The following ZC3H12B variants were observed in gnomAD, a reference collection of about 807,000 sequenced individuals.
ZC3H12B encodes probable ribonuclease ZC3H12B.
In ZC3H12B, 7 loss-of-function variants were observed where a neutral mutation model predicts 43.9. That is an observed-to-expected ratio of 0.16 (90% confidence interval 0.09 to 0.30). ZC3H12B has a LOEUF of 0.30. Ranked by LOEUF, ZC3H12B falls within the 10% of genes least tolerant of loss-of-function variation. The pLI is 1.00. For missense variants in ZC3H12B, 475 were observed against 670.2 expected (o/e 0.71, Z 3.22); for synonymous variants, 222 against 241.7 (o/e 0.92, Z 0.76).
chrX:65,097,244 C>T, the ZC3H12B span, among the ~76,000 whole-genome samples: 5 of 111,611 alleles, frequency 4.5e-5, no homozygotes, highest in South Asian at 3.7e-4. Flanking sequence ...CAAGATAGAG[C>T]GTATCTCTGG....
At chrX:65,267,920 A>T in the ZC3H12B span, among the ~76,000 whole-genome samples, 1 of 111,838 alleles carries the variant, frequency 8.9e-6, no homozygotes, top group Non-Finnish European at 1.9e-5. Context: ...AATAATAAAG[A>T]TCAGAACAGA....
At chrX:65,159,360 G>T in the ZC3H12B span, among the ~76,000 whole-genome samples, 1 of 111,767 alleles carries the variant, frequency 8.9e-6, no homozygotes, top group Non-Finnish European at 1.9e-5. Context: ...ACCTTGGGCA[G>T]TATGGCCGTT....
the ZC3H12B span, among the ~76,000 whole-genome samples, chrX:65,095,301 A>G: frequency 1.8e-5 from 2 of 111,942 alleles, no homozygotes; most frequent in Non-Finnish European, 3.8e-5. Context: ...GTGTAAGACA[A>G]ACACTTCTGA....
At chrX:65,261,994 G>C in the ZC3H12B span, among the ~76,000 whole-genome samples, 1 of 110,230 alleles carries the variant, frequency 9.1e-6, no homozygotes. Flanking sequence ...AAGAGTTCAT[G>C]TACCCTTAGT....
chrX:65,205,179 CT>C, the ZC3H12B span, among the ~76,000 whole-genome samples: 1 of 111,358 alleles, frequency 9.0e-6, no homozygotes, highest in South Asian at 3.7e-4. Flanking sequence ...TGTATTTTGA[CT>C]TTTTTTTGTT....
At chrX:65,117,034 C>A in the ZC3H12B span, among the ~76,000 whole-genome samples, 1 of 111,785 alleles carries the variant, frequency 8.9e-6, no homozygotes, top group Non-Finnish European at 1.9e-5. Flanking sequence ...GTGCATGTGT[C>A]TTTACAGCAG....
chrX:65,501,239 CTTTTTTTT>C (rs770490342), intron 4 of ZC3H12B, among the ~76,000 whole-genome samples: 3 of 63,354 alleles, frequency 4.7e-5, no homozygotes, highest in South Asian at 7.4e-4. Flanking sequence ...TCAGCTTTAG[CTTTTTTTT>C]TTTTTTTTTT....
chrX:65,245,295 C>G, the ZC3H12B span, among the ~76,000 whole-genome samples: 1 of 111,810 alleles, frequency 8.9e-6, no homozygotes, highest in African/African-American at 3.2e-5. Flanking sequence ...CCTACTGAAA[C>G]TATTCCAAGA....
the ZC3H12B span, among the ~76,000 whole-genome samples, chrX:65,177,807 C>T: frequency 1.8e-5 from 2 of 112,331 alleles, no homozygotes; most frequent in Non-Finnish European, 3.8e-5. Context: ...ATTCCATGCT[C>T]ATGGATAGGA....
the ZC3H12B span, among the ~76,000 whole-genome samples, chrX:65,300,355 G>C: frequency 8.9e-6 from 1 of 111,880 alleles, no homozygotes; most frequent in Non-Finnish European, 1.9e-5. Context: ...CTTGCCTTTT[G>C]TGCTGCGTGG....
chrX:65,196,062 G>C, the ZC3H12B span, among the ~76,000 whole-genome samples: 2 of 111,342 alleles, frequency 1.8e-5, no homozygotes, highest in East Asian at 5.7e-4. Flanking sequence ...CAGAATATCT[G>C]TGTGTCAGCG....
the ZC3H12B span, chrX:65,185,666 CTAAAG>C: frequency 9.0e-6 from 1 of 111,531 alleles, no homozygotes; most frequent in Non-Finnish European, 1.9e-5. Context: ...AGAAGATAAA[CTAAAG>C]TAGAGAGAAT....
chrX:65,204,100 G>A, the ZC3H12B span, among the ~76,000 whole-genome samples: 3 of 112,558 alleles, frequency 2.7e-5, no homozygotes, highest in Non-Finnish European at 5.6e-5. Flanking sequence ...TGTGGCTGCT[G>A]CCAGGATATG....
At chrX:65,123,199 C>CT in the ZC3H12B span, among the ~76,000 whole-genome samples, 26,725 of 110,836 alleles carry the variant, frequency 0.24, 7,692 homozygotes, top group African/African-American at 0.83. Flanking sequence ...TGGTTTTTGT[C>CT]TTGGTTCTGT....
At chrX:65,242,642 A>G in the ZC3H12B span, among the ~76,000 whole-genome samples, 1 of 112,113 alleles carries the variant, frequency 8.9e-6, no homozygotes, top group Non-Finnish European at 1.9e-5. Context: ...TGAAATTTAT[A>G]TGGAATCACA....
At position 65,436,020 on chromosome X, in the gene ZC3H12B, A is replaced by G. The variant is rs753682199; in HGVS notation, n.407+37316A>G. Among the ~76,000 whole-genome samples the G allele has an allele frequency of 6.7e-4, 75 of 112,003 alleles. 1 individual carries two copies. Among genetic ancestry groups the G allele is most frequent in the Non-Finnish European group, 1.2e-3 (66 of 53,233 alleles). ...ATTTACAAAGAAACAGGTTAAATTG[A>G]CTCATGGATACACAGGCTGTACAGG... On this transcript the variant is annotated intron_variant and non_coding_transcript_variant, in intron 3 of 5. Coordinates refer to the ZC3H12B transcript ENST00000617377.
chrX:65,348,451 C>A, the ZC3H12B span, among the ~76,000 whole-genome samples: 2 of 111,094 alleles, frequency 1.8e-5, no homozygotes, highest in East Asian at 5.6e-4. Context: ...GAAACTGCAT[C>A]AACTAATGGG....
the ZC3H12B span, among the ~76,000 whole-genome samples, chrX:65,071,179 T>A: frequency 9.0e-6 from 1 of 110,991 alleles, no homozygotes; most frequent in Non-Finnish European, 1.9e-5. Context: ...ATCTTCTTGT[T>A]AAGTTGTACC....
At chrX:65,140,839 G>T in the ZC3H12B span, among the ~76,000 whole-genome samples, 1 of 111,495 alleles carries the variant, frequency 9.0e-6, no homozygotes, top group African/African-American at 3.2e-5. Flanking sequence ...TTTCCAGGTT[G>T]TCTAATTTGT....
Sources: gnomAD v4.1 joint callset for allele counts (sites outside exome capture counted in the v4.1 genomes callset) on GRCh38, gnomAD v4.1.1 for gene constraint, MANE v1.5 for transcripts, NCBI Gene and HGNC (gene_info 2026-07-23, HGNC 2026-07-21) for gene names.